Variants in LDLRAD3 observed in about 807,000 individuals in gnomAD.
LDLRAD3 encodes low density lipoprotein receptor class A domain containing 3.
LDLRAD3 carries 20 observed loss-of-function variants against 29.4 expected under a neutral mutation model. The observed-to-expected ratio is 0.68, with a 90% CI of 0.48 to 0.99. The LOEUF is 0.99. LDLRAD3 is among the 50% of genes least tolerant of loss of function. The pLI is 0.00. For synonymous variants in LDLRAD3, 157 were observed against 192.7 expected, an observed-to-expected ratio of 0.81 and a Z score of 1.53; for missense variants, 420 against 454.3, an observed-to-expected ratio of 0.92 and a Z score of 0.69.
chr11:36,103,330 C>T (rs7482902), intron 4 of LDLRAD3, among the ~76,000 whole-genome samples: 29,035 of 151,126 alleles, frequency 0.19, 3,350 homozygotes, highest in East Asian at 0.34. Flanking sequence ...CTCCACCTCC[C>T]GGGTTCACAC....
At chr11:36,053,219 T>A (rs1018330117) in intron 2 of LDLRAD3, among the ~76,000 whole-genome samples, 1 of 152,238 alleles carries the variant, frequency 6.6e-6, no homozygotes, top group Non-Finnish European at 1.5e-5. Flanking sequence ...CCTACTGGAC[T>A]TGCTCTCTAA....
chr11:36,095,153 T>A (rs1013597061), intron 3 of LDLRAD3, among the ~76,000 whole-genome samples: 2 of 152,244 alleles, frequency 1.3e-5, no homozygotes, highest in African/African-American at 4.8e-5. Context: ...ACCACTGCAC[T>A]GCAGTCGGTG....
intron 3 of LDLRAD3, among the ~76,000 whole-genome samples, chr11:36,088,266 C>T (rs1853224939): frequency 1.3e-5 from 2 of 152,120 alleles, no homozygotes; most frequent in South Asian, 2.1e-4. Flanking sequence ...TGTCCTCATA[C>T]GTTCTTGGCT....
At chr11:35,968,224 A>G in intron 1 of LDLRAD3, 2 of 405,226 alleles carry the variant, frequency 4.9e-6, no homozygotes, top group South Asian at 3.9e-5. Context: ...TTTCTATAGG[A>G]CTTTGGGGTG....
chr11:36,115,913 G>A (rs1344734609), intron 4 of LDLRAD3, among the ~76,000 whole-genome samples: 2 of 152,104 alleles, frequency 1.3e-5, no homozygotes, highest in Non-Finnish European at 2.9e-5. Context: ...GTTTTGCAAG[G>A]CCTCCCCCTT....
chr11:36,033,049 T>A (rs1300035036), intron 1 of LDLRAD3, among the ~76,000 whole-genome samples: 1 of 152,060 alleles, frequency 6.6e-6, no homozygotes, highest in East Asian at 1.9e-4. Flanking sequence ...TAATTTTGTA[T>A]TTTTAGTAGA....
chr11:36,198,553 C>T (rs1409705339), intron 4 of LDLRAD3, among the ~76,000 whole-genome samples: 3 of 152,190 alleles, frequency 2.0e-5, no homozygotes, highest in East Asian at 3.9e-4. Flanking sequence ...AGCTCAGTTC[C>T]GTGCCTGGTT....
intron 1 of LDLRAD3, among the ~76,000 whole-genome samples, chr11:35,992,302 A>G (rs1851701091): frequency 6.6e-6 from 1 of 152,192 alleles, no homozygotes; most frequent in South Asian, 2.1e-4. Flanking sequence ...TGATTTAACT[A>G]TTCCTCAGTA....
intron 4 of LDLRAD3, among the ~76,000 whole-genome samples, chr11:36,166,652 G>C (rs575021113): frequency 7.8e-4 from 119 of 152,234 alleles, no homozygotes; most frequent in African/African-American, 2.7e-3. Flanking sequence ...TTACTTTAGA[G>C]CTATCTGACT....
At chr11:36,128,136 G>GATATA (rs1853868434) in intron 4 of LDLRAD3, among the ~76,000 whole-genome samples, 1 of 93,882 alleles carries the variant, frequency 1.1e-5, no homozygotes, top group Non-Finnish European at 2.2e-5. Flanking sequence ...ATATATATAT[G>GATATA]TATATGACAT....
At chr11:36,064,886 G>A (rs76254617) in intron 2 of LDLRAD3, among the ~76,000 whole-genome samples, 14,302 of 152,176 alleles carry the variant, frequency 0.094, 880 homozygotes, top group Admixed American at 0.15. Context: ...GAGAACATAT[G>A]TTATATGATT....
intron 4 of LDLRAD3, among the ~76,000 whole-genome samples, chr11:36,205,904 G>A (rs1855200256): frequency 6.6e-6 from 1 of 152,182 alleles, no homozygotes; most frequent in Non-Finnish European, 1.5e-5. Context: ...GCTCCTGCCT[G>A]GAAGTTCCTG....
intron 2 of LDLRAD3, among the ~76,000 whole-genome samples, chr11:36,064,027 A>C (rs1398889491): frequency 6.6e-6 from 1 of 152,220 alleles, no homozygotes; most frequent in East Asian, 1.9e-4. Context: ...ACCCAATTTT[A>C]AGTCTTTCAA....
At chr11:36,037,496 T>G (rs1448276154) in intron 2 of LDLRAD3, among the ~76,000 whole-genome samples, 1 of 152,038 alleles carries the variant, frequency 6.6e-6, no homozygotes, top group East Asian at 1.9e-4. Context: ...TGTATTTTTA[T>G]TAGAGACGGG....
chr11:36,049,721 A>G (rs1418193150), intron 2 of LDLRAD3, among the ~76,000 whole-genome samples: 1 of 152,206 alleles, frequency 6.6e-6, no homozygotes, highest in Admixed American at 6.5e-5. Context: ...CAAGTATTCC[A>G]TGTTCTATAG....
At chr11:36,129,158 G>A (rs185617485) in intron 4 of LDLRAD3, among the ~76,000 whole-genome samples, 72 of 150,288 alleles carry the variant, frequency 4.8e-4, no homozygotes, top group Admixed American at 3.8e-3. Flanking sequence ...GAAATGTCCC[G>A]GTCATTGTGT....
At chr11:36,183,979 TTC>T (rs1491007400) in intron 4 of LDLRAD3, 8 of 321,448 alleles carry the variant, frequency 2.5e-5, no homozygotes, top group African/African-American at 4.7e-5. Context: ...TTTTTTTTTT[TTC>T]CCGAGATGGA....
chr11:36,069,164 A>C (rs1298627435), intron 2 of LDLRAD3, among the ~76,000 whole-genome samples: 1 of 152,192 alleles, frequency 6.6e-6, no homozygotes. Flanking sequence ...TCAAGCCATA[A>C]ATTTTGCAAA....
chr11:36,177,580 A>G (rs1854697404), intron 4 of LDLRAD3, among the ~76,000 whole-genome samples: 1 of 152,100 alleles, frequency 6.6e-6, no homozygotes, highest in Non-Finnish European at 1.5e-5. Flanking sequence ...CATGATTGTT[A>G]TTGCTCTTCT....
Sources: allele counts gnomAD v4.1 joint callset (sites outside exome capture counted in the v4.1 genomes callset), GRCh38; gene constraint gnomAD v4.1.1; transcripts MANE v1.5; gene names NCBI Gene and HGNC (gene_info 2026-07-23, HGNC 2026-07-21).